LUZP2: variants seen among roughly 807,000 people sequenced by gnomAD.
The protein encoded by LUZP2 is leucine zipper protein 2.
A neutral mutation model predicts 51.6 loss-of-function variants in LUZP2; 52 were observed. The observed-to-expected ratio is 1.01, with a 90% CI of 0.81 to 1.27. The LOEUF (loss-of-function observed/expected upper bound fraction) is 1.27, where lower values mean the gene tolerates loss of function less well. Ranked by LOEUF, LUZP2 falls within the 50% of genes most tolerant of loss-of-function variation. The pLI is 0.00. For missense variants in LUZP2, 436 were observed against 395.4 expected (o/e 1.10, Z -0.87); for synonymous variants, 154 against 137.3 (o/e 1.12, Z -0.85).
chr11:24,721,019 C>A (rs1266603681), intron 1 of LUZP2, among the ~76,000 whole-genome samples: 1 of 152,184 alleles, frequency 6.6e-6, no homozygotes, highest in Non-Finnish European at 1.5e-5. Context: ...TGAGTTGAAG[C>A]AGTTACCTAC....
chr11:24,584,537 C>A (rs1852991578), intron 1 of LUZP2, among the ~76,000 whole-genome samples: 1 of 152,204 alleles, frequency 6.6e-6, no homozygotes, highest in Non-Finnish European at 1.5e-5. Flanking sequence ...ACCTCACAAT[C>A]AGAGAGCCCT....
intron 1 of LUZP2, among the ~76,000 whole-genome samples, chr11:24,683,342 A>G (rs1856805013): frequency 6.6e-6 from 1 of 152,228 alleles, no homozygotes; most frequent in South Asian, 2.1e-4. Context: ...AGTAGGTAGT[A>G]CAGAAGATCA....
intron 1 of LUZP2, among the ~76,000 whole-genome samples, chr11:24,541,258 A>G (rs1014306513): frequency 5.1e-4 from 2 of 3,940 alleles, no homozygotes; most frequent in African/African-American, 9.6e-4. Context: ...CATCTCAAGG[A>G]AAAAAAAAAA....
intron 7 of LUZP2, among the ~76,000 whole-genome samples, chr11:24,923,760 A>G (rs532089005): frequency 3.2e-4 from 49 of 152,202 alleles, no homozygotes; most frequent in Non-Finnish European, 1.3e-4. Flanking sequence ...GTGGGCCCCA[A>G]GGTCTTTATC....
intron 7 of LUZP2, among the ~76,000 whole-genome samples, chr11:24,935,868 A>C (rs1854572078): frequency 6.6e-6 from 1 of 152,166 alleles, no homozygotes; most frequent in Admixed American, 6.5e-5. Context: ...GCCTTTTTAT[A>C]TCTTTTATCC....
chr11:24,758,958 AAC>A (rs1471634000), intron 4 of LUZP2, among the ~76,000 whole-genome samples: 28 of 152,242 alleles, frequency 1.8e-4, no homozygotes, highest in African/African-American at 6.5e-4. Flanking sequence ...TAAATTAAAA[AAC>A]AGTGTATCTT....
intron 1 of LUZP2, among the ~76,000 whole-genome samples, chr11:24,535,218 A>T (rs1403893043): frequency 6.6e-6 from 1 of 151,350 alleles, no homozygotes; most frequent in Non-Finnish European, 1.5e-5. Flanking sequence ...TTTTACCTCA[A>T]TGTTGATGGC....
intron 8 of LUZP2, among the ~76,000 whole-genome samples, chr11:24,979,726 C>T (rs929077847): frequency 6.6e-6 from 1 of 151,702 alleles, no homozygotes; most frequent in Non-Finnish European, 1.5e-5. Flanking sequence ...ATAAAAGAAG[C>T]TTTATGCTAA....
chr11:24,860,914 G>C (rs184696155), intron 5 of LUZP2, among the ~76,000 whole-genome samples: 1 of 152,110 alleles, frequency 6.6e-6, no homozygotes, highest in African/African-American at 2.4e-5. Flanking sequence ...CCAAATGATC[G>C]CAACATTTTG....
intron 1 of LUZP2, among the ~76,000 whole-genome samples, chr11:24,548,320 G>A (rs778767153): frequency 6.6e-5 from 10 of 152,094 alleles, no homozygotes; most frequent in African/African-American, 2.4e-4. Context: ...TCAAAGGTGG[G>A]CTGGATAAAG....
At chr11:24,873,935 A>T (rs1011736307) in intron 5 of LUZP2, among the ~76,000 whole-genome samples, 1 of 152,082 alleles carries the variant, frequency 6.6e-6, no homozygotes, top group African/African-American at 2.4e-5. Flanking sequence ...GATTCTGTAG[A>T]TCTTCCTCTT....
At chr11:24,596,784 G>C (rs925025051) in intron 1 of LUZP2, among the ~76,000 whole-genome samples, 1 of 152,168 alleles carries the variant, frequency 6.6e-6, no homozygotes, top group Admixed American at 6.5e-5. Context: ...GGTGTTCTCC[G>C]AGGAGTGGAA....
chr11:24,873,667 T>C (rs955960259), intron 5 of LUZP2, among the ~76,000 whole-genome samples: 4 of 129,646 alleles, frequency 3.1e-5, no homozygotes, highest in Admixed American at 8.1e-5. Context: ...CTTGAGGCCA[T>C]GCTCTCACAC....
intron 1 of LUZP2, among the ~76,000 whole-genome samples, chr11:24,522,241 A>T (rs1305512000): frequency 6.6e-6 from 1 of 152,174 alleles, no homozygotes; most frequent in Admixed American, 6.5e-5. Flanking sequence ...ACCTTGTGTC[A>T]GAAGACAGGC....
Position 25,050,464 on chromosome 11 carries a change from T to C in LUZP2, c.858+334T>C, listed in dbSNP as rs535301845. Among the ~76,000 whole-genome samples the C allele has an allele frequency of 5.5e-3, 837 of 151,658 alleles. 2 individuals carry two copies. The highest frequency in any genetic ancestry group is 8.4e-3 in the Non-Finnish European group (572 of 67,858). ...GGACTACAGGCGCCCGCCACCGCGC[T>C]CGGCTAATTTTTTGTATTTTTGGTA... On this transcript the variant is annotated intron_variant, in intron 10 of 11. Transcript: ENST00000336930.
intron 7 of LUZP2, among the ~76,000 whole-genome samples, chr11:24,952,810 T>C (rs1217859892): frequency 6.6e-6 from 1 of 151,960 alleles, no homozygotes; most frequent in Non-Finnish European, 1.5e-5. Context: ...ATTTAATGCA[T>C]GTTAAAAATA....
At chr11:24,785,460 TAACTGAGTCATTTA>T (rs1441632111) in intron 5 of LUZP2, among the ~76,000 whole-genome samples, 1 of 152,046 alleles carries the variant, frequency 6.6e-6, no homozygotes, top group Non-Finnish European at 1.5e-5. Context: ...TGGAAATGTT[TAACTGAGTCATTTA>T]AATAGCCTGT....
At chr11:24,630,367 A>G (rs1346098445) in intron 1 of LUZP2, among the ~76,000 whole-genome samples, 1 of 152,036 alleles carries the variant, frequency 6.6e-6, no homozygotes, top group Non-Finnish European at 1.5e-5. Context: ...ATTTTTGTTT[A>G]TGGTGAGAAA....
At chr11:25,009,492 A>G (rs978831625) in intron 9 of LUZP2, among the ~76,000 whole-genome samples, 1 of 152,178 alleles carries the variant, frequency 6.6e-6, no homozygotes, top group Non-Finnish European at 1.5e-5. Flanking sequence ...TCATAATTTC[A>G]TAGTAACTTT....
Sources: allele counts gnomAD v4.1 joint callset (sites outside exome capture counted in the v4.1 genomes callset), GRCh38; gene constraint gnomAD v4.1.1; transcripts MANE v1.5; gene names NCBI Gene and HGNC (gene_info 2026-07-23, HGNC 2026-07-21).